MEST: variants seen among roughly 807,000 people sequenced by gnomAD.
MEST encodes mesoderm specific transcript, also known as mesoderm-specific transcript homolog protein.
MEST carries 18 observed loss-of-function variants against 50.9 expected under a neutral mutation model. The ratio of observed to expected loss-of-function variants is 0.35; its 90% CI spans 0.24 to 0.52. MEST has a LOEUF of 0.52. Among genes scored for constraint, MEST ranks in the 20% least tolerant of loss-of-function variants. MEST has a pLI of 0.94. For synonymous variants in MEST, 130 were observed against 154.1 expected, an observed-to-expected ratio of 0.84 and a Z score of 1.16; for missense variants, 282 against 425.3, an observed-to-expected ratio of 0.66 and a Z score of 2.96.
At chr7:130,495,000 A>C (rs1798987158) in intron 1 of MEST, among the ~76,000 whole-genome samples, 1 of 152,170 alleles carries the variant, frequency 6.6e-6, no homozygotes, top group South Asian at 2.1e-4. Flanking sequence ...GCCTTGATAA[A>C]AGTCAACGAA....
upstream of MEST, among the ~76,000 whole-genome samples, chr7:130,490,403 TTG>T (rs1303014746): frequency 6.6e-6 from 1 of 152,222 alleles, no homozygotes; most frequent in African/African-American, 2.4e-5. Flanking sequence ...GGAATGTTCT[TTG>T]TCTCTCTGGT....
chr7:130,490,921 G>A (rs1372455829), upstream of MEST: 3 of 152,346 alleles, frequency 2.0e-5, no homozygotes, highest in Non-Finnish European at 4.4e-5. Flanking sequence ...CCGGTCCCGG[G>A]TTGGATGCCC....
chr7:130,501,185 AG>A (rs1186890364), intron 9 of MEST: 10 of 243,924 alleles, frequency 4.1e-5, no homozygotes, highest in African/African-American at 2.2e-4. Flanking sequence ...AGCAACGGGG[AG>A]TGAGAGGGCA....
intron 6 of MEST, chr7:130,498,768 A>G (rs546901336): frequency 4.2e-5 from 21 of 498,874 alleles, no homozygotes; most frequent in African/African-American, 3.7e-4. Flanking sequence ...AATGCATTAG[A>G]TAGCAAGTTC....
At chr7:130,498,824 T>TA in intron 6 of MEST, 1 of 347,210 alleles carries the variant, frequency 2.9e-6, no homozygotes, top group South Asian at 3.6e-5. Flanking sequence ...GTGAGGAGTG[T>TA]AAAGACTGTT....
chr7:130,498,545 C>G, intron 6 of MEST, 68 bp downstream of exon 6: 1 of 1,348,844 alleles, frequency 7.4e-7, no homozygotes, highest in Non-Finnish European at 1.1e-6. Context: ...TACAGCGGCA[C>G]CTAAATGGTA....
Position 130,504,006 on chromosome 7 carries a change from C to G in MEST, c.890+10C>G. 1.2e-6 allele frequency: 2 copies of G among 1,607,882 alleles called. No individual in the cohort carries two copies. The highest frequency in any genetic ancestry group is 2.2e-5 in the South Asian group (2 of 90,894). On this transcript the variant is annotated intron_variant, in intron 11 of 11. Transcript: ENST00000223215. ...TTTTGGAGCTGTACAGGTGAGTCTC[C>G]CCGAGAGAAGTCTATGTTTTGTTAG... is the stretch of plus-strand genomic sequence containing the variant.
intron 10 of MEST, 113 bp from the exon 11 acceptor site, chr7:130,503,820 A>G (rs1799368542): frequency 1.3e-6 from 1 of 786,374 alleles, no homozygotes; most frequent in Non-Finnish European, 2.1e-6. Flanking sequence ...CTTGCCTATT[A>G]TAATAAAAAA....
At position 130,497,471 on chromosome 7, in the gene MEST, C is replaced by T. The variant is rs111952151; in HGVS notation, c.261+236C>T. The T allele has an allele frequency of 8.0e-4, 238 of 296,548 alleles. No individual in the cohort carries two copies. Among genetic ancestry groups the T allele is most frequent in the African/African-American group, 4.7e-3 (214 of 45,284 alleles). 18.4% of individuals were successfully genotyped at this position (296,548 alleles called of 1,614,324 possible). A position where few individuals can be genotyped will look rare whatever the true frequency, so the allele number is the denominator to read the frequency against. The stretch of plus-strand genomic sequence containing the variant: ...ACTTGGGAGGCTGAGGCAGGAGAAT[C>T]GCTTGAACCCGGGAGGCAGAGGTTG... On this transcript the variant is annotated intron_variant, in intron 3 of 11. Coordinates refer to ENST00000223215, the MANE Select transcript of MEST (RefSeq NM_002402.4). This position sits in a 1 kb window ranked among gnomAD's most constrained non-coding sequence, Gnocchi z 4.0.
chr7:130,495,562 A>T (rs1554436616), intron 2 of MEST, 40 bp downstream of exon 2: 1 of 1,594,596 alleles, frequency 6.3e-7, no homozygotes, highest in South Asian at 1.1e-5. Flanking sequence ...TGTATCGGTC[A>T]CATAAGTCCC....
In MEST at chr7:130,505,810, G is replaced by A. The variant is rs1340178891; in HGVS notation, c.*754G>A. ...TTTCCTAAAATCACAGGACATTAAG[G>A]ACCAATAGCATCTGTGCCAGAGATG... On this transcript the variant is annotated 3_prime_UTR_variant, in exon 12 of 12. Coordinates refer to ENST00000223215, the MANE Select transcript of MEST (RefSeq NM_002402.4). 2.6e-5 allele frequency: 4 copies of A among 152,168 alleles called. No homozygotes were observed. Among genetic ancestry groups the A allele is most frequent in the Non-Finnish European group, 5.9e-5 (4 of 68,024 alleles). 9.4% of individuals were successfully genotyped at this position (152,168 alleles called of 1,614,324 possible).
In MEST at chr7:130,497,224, G is replaced by T. The variant is rs1554437258; in HGVS notation, c.250G>T (p.Asp84Tyr). ...LLHGFPTSSYDWYKIWEGLTL... is the reference protein window; with the variant it reads ...LLHGFPTSSYYWYKIWEGLTL... ...ACACGGTTTTCCAACATCCAGCTACGACTGGTACAAGGTAATGAAGTCAGA... is the reference window on the plus strand; with the variant it reads ...ACACGGTTTTCCAACATCCAGCTACTACTGGTACAAGGTAATGAAGTCAGA... The change falls in exon 3 of 12, where the codon GAC (aspartate) becomes TAC (tyrosine). Residue 84 changes from aspartate to tyrosine, a missense_variant. Asp to Tyr is a radical substitution (Grantham distance 160, BLOSUM62 -3). Transcript: ENST00000223215. The surrounding 1 kb of genome is among the most constrained non-coding windows in gnomAD (Gnocchi z 4.0). The T allele has an allele frequency of 1.2e-6, 2 of 1,612,878 alleles. No homozygotes were observed. Among genetic ancestry groups the T allele is most frequent in the East Asian group, 2.2e-5 (1 of 44,774 alleles).
At chr7:130,503,805 G>C (rs1403881412) in intron 10 of MEST, 128 bp from the exon 11 acceptor site, 26 of 683,330 alleles carry the variant, frequency 3.8e-5, no homozygotes, top group Admixed American at 7.1e-5. Flanking sequence ...AAGGGAGAGA[G>C]AGACCTTGCC....
chr7:130,490,777 G>T (rs1267923579), upstream of MEST: 1 of 152,238 alleles, frequency 6.6e-6, no homozygotes, highest in Non-Finnish European at 1.5e-5. Context: ...CCCTGTAGGT[G>T]CTAAATCAGC....
At chr7:130,501,930 G>A (rs1364830735) in intron 9 of MEST, among the ~76,000 whole-genome samples, 1 of 151,630 alleles carries the variant, frequency 6.6e-6, no homozygotes. Context: ...GGAGGTTGCA[G>A]TGAACTGAGA....
intron 6 of MEST, chr7:130,498,699 A>G: frequency 3.3e-6 from 2 of 599,836 alleles, no homozygotes; most frequent in Non-Finnish European, 5.9e-6. Context: ...ATTACAAAGG[A>G]TAGTGACTTT....
At chr7:130,494,338 G>A (rs745498732) in intron 1 of MEST, among the ~76,000 whole-genome samples, 3 of 152,062 alleles carry the variant, frequency 2.0e-5, no homozygotes, top group Non-Finnish European at 2.9e-5. Flanking sequence ...TTCCATTCTG[G>A]CTGTTTTGAG....
intron 7 of MEST, 82 bp downstream of exon 7, chr7:130,499,997 C>T (rs1352154144): frequency 1.8e-6 from 2 of 1,115,306 alleles, no homozygotes; most frequent in African/African-American, 1.6e-5. Flanking sequence ...GGCCATAGCT[C>T]CTGTAACTGG....
At chr7:130,499,059 G>C (rs1200564707) in intron 6 of MEST, among the ~76,000 whole-genome samples, 1 of 152,176 alleles carries the variant, frequency 6.6e-6, no homozygotes, top group African/African-American at 2.4e-5. Context: ...AGGACCTGCT[G>C]TACCTCATTC....
Sources: allele counts gnomAD v4.1 joint callset (sites outside exome capture counted in the v4.1 genomes callset), GRCh38; gene constraint gnomAD v4.1.1; non-coding constraint Gnocchi (gnomAD v3.1); transcripts MANE v1.5; gene names NCBI Gene and HGNC (gene_info 2026-07-23, HGNC 2026-07-21).